DAB1: variants seen among roughly 807,000 people sequenced by gnomAD.
The protein encoded by DAB1 is disabled homolog 1.
Under a neutral mutation model 64.6 loss-of-function variants are expected in DAB1, and 15 were observed. The ratio of observed to expected loss-of-function variants is 0.23; its 90% CI spans 0.16 to 0.36. The LOEUF is 0.36. DAB1 is among the 10% of genes least tolerant of loss of function. The probability of loss-of-function intolerance (pLI) is 1.00; values close to 1 mark genes in which losing one functional copy is unlikely to be tolerated. For synonymous variants in DAB1, 235 were observed against 251.9 expected (o/e 0.93, Z 0.64); for missense variants, 596 against 706.7 (o/e 0.84, Z 1.78).
chr1:58,289,425 C>A (rs1230663827), intron 4 of DAB1, among the ~76,000 whole-genome samples: 2 of 152,104 alleles, frequency 1.3e-5, no homozygotes, highest in African/African-American at 4.8e-5. Flanking sequence ...GTTTAGATTC[C>A]AGTCATTTTC....
intron 2 of DAB1, among the ~76,000 whole-genome samples, chr1:57,171,006 G>C (rs1310795419): frequency 6.6e-6 from 1 of 152,130 alleles, no homozygotes; most frequent in Non-Finnish European, 1.5e-5. Flanking sequence ...AAGGCAAAGA[G>C]TTCGATACGG....
chr1:57,814,588 C>G (rs2101888643), intron 6 of DAB1, among the ~76,000 whole-genome samples: 1 of 152,306 alleles, frequency 6.6e-6, no homozygotes, highest in Middle Eastern at 3.4e-3. Flanking sequence ...CTGTTTCCTT[C>G]TTGGAAGACT....
In DAB1 at chr1:58,183,149, C is replaced by T. The variant is rs188167352; in HGVS notation, n.310-32561G>A. On this transcript the variant is annotated intron_variant and non_coding_transcript_variant, in intron 4 of 20. Transcript: ENST00000485760. ...TAGTGTAGTGATCATGTTGAGTGGTCAGAGGCAGTACTTAAACATCTTGAT... is the reference window on the plus strand; with the variant it reads ...TAGTGTAGTGATCATGTTGAGTGGTTAGAGGCAGTACTTAAACATCTTGAT... 2.6e-5 allele frequency among the ~76,000 whole-genome samples: 4 copies of T among 152,108 alleles called. No individual in the cohort carries two copies. The East Asian group carries it at 7.7e-4, about 29-fold the overall frequency.
At chr1:58,469,485 T>C (rs1645333716) in intron 3 of DAB1, among the ~76,000 whole-genome samples, 1 of 152,202 alleles carries the variant, frequency 6.6e-6, no homozygotes, top group Non-Finnish European at 1.5e-5. Flanking sequence ...TAGTAATTTT[T>C]CTCAAACTGA....
At chr1:57,660,877 G>C (rs560938866) in intron 6 of DAB1, among the ~76,000 whole-genome samples, 1 of 152,168 alleles carries the variant, frequency 6.6e-6, no homozygotes, top group Non-Finnish European at 1.5e-5. Context: ...CTGCATCACT[G>C]TTTAGCTTCC....
intron 3 of DAB1, among the ~76,000 whole-genome samples, chr1:57,137,051 T>C (rs1472074188): frequency 6.6e-6 from 1 of 152,170 alleles, no homozygotes; most frequent in Non-Finnish European, 1.5e-5. Context: ...TATAATTTTA[T>C]TTTTTATAAT....
At chr1:57,830,588 A>G (rs1040016822) in intron 1 of DAB1, among the ~76,000 whole-genome samples, 1 of 151,368 alleles carries the variant, frequency 6.6e-6, no homozygotes, top group Admixed American at 6.6e-5. Flanking sequence ...ACACATGAAA[A>G]ATATATATAT....
intron 3 of DAB1, among the ~76,000 whole-genome samples, chr1:58,358,696 G>C (rs1644133720): frequency 6.6e-6 from 1 of 152,112 alleles, no homozygotes; most frequent in African/African-American, 2.4e-5. Flanking sequence ...TCCCAACTGA[G>C]AACTGTTTAA....
rs1646182490 is a variant in DAB1 at position 57,645,503 on chromosome 1, T to A, written n.625+4089A>T. On this transcript the variant is annotated intron_variant and non_coding_transcript_variant, in intron 7 of 20. Coordinates refer to the DAB1 transcript ENST00000485760. Reference sequence around the variant, plus strand: ...GTCTCTTCAGCTTCTTCCTTCCTTGTTGTCAAAAAGATCAACATATCTGCC... The same window carrying A: ...GTCTCTTCAGCTTCTTCCTTCCTTGATGTCAAAAAGATCAACATATCTGCC... 3.3e-5 allele frequency among the ~76,000 whole-genome samples: 5 copies of A among 152,324 alleles called. No homozygotes were observed. In the South Asian group the frequency reaches 1.0e-3, roughly 32 times the overall value.
rs373135426 is a variant in DAB1, at chr1:57,250,301, T to C, written c.67+40663A>G. ...AGGATGCTGTACGCCAATCTGTCTA[T>C]GTCTGGTAGTATAATTATTTATGTC... On this transcript the variant is annotated intron_variant, in intron 2 of 14. Coordinates refer to ENST00000371236, the MANE Select transcript of DAB1 (RefSeq NM_001365792.1). Among the ~76,000 whole-genome samples, 95 of 152,320 alleles carry C rather than the reference T, an allele frequency of 6.2e-4. 1 individual carries two copies. In the South Asian group the frequency reaches 0.017, roughly 27 times the overall value.
chr1:57,642,410 T>C (rs1022754846), intron 7 of DAB1, among the ~76,000 whole-genome samples: 3 of 152,180 alleles, frequency 2.0e-5, no homozygotes, highest in Non-Finnish European at 1.5e-5. Context: ...CCAGGTGCCC[T>C]GGAGCACCTC....
intron 6 of DAB1, among the ~76,000 whole-genome samples, chr1:57,730,947 G>A (rs1647386334): frequency 6.6e-6 from 1 of 152,148 alleles, no homozygotes; most frequent in Non-Finnish European, 1.5e-5. Context: ...CATGGAATTA[G>A]CATTTGATCC....
intron 7 of DAB1, among the ~76,000 whole-genome samples, chr1:57,628,323 G>T (rs1168997519): frequency 2.0e-5 from 3 of 152,250 alleles, no homozygotes; most frequent in African/African-American, 7.2e-5. Flanking sequence ...TCGGGCTGAA[G>T]TCACAGTTTG....
intron 1 of DAB1, among the ~76,000 whole-genome samples, chr1:57,316,865 C>T (rs576396105): frequency 1.3e-5 from 2 of 152,224 alleles, no homozygotes; most frequent in African/African-American, 2.4e-5. Flanking sequence ...TAAAATGGCC[C>T]CAAGTGATCC....
chr1:57,661,742 T>C (rs1188777399), intron 6 of DAB1, among the ~76,000 whole-genome samples: 1 of 152,234 alleles, frequency 6.6e-6, no homozygotes, highest in Non-Finnish European at 1.5e-5. Flanking sequence ...TAATACAATA[T>C]AAATCCTATG....
At chr1:58,514,225 G>A (rs1215994981) in intron 2 of DAB1, among the ~76,000 whole-genome samples, 1 of 152,062 alleles carries the variant, frequency 6.6e-6, no homozygotes, top group Non-Finnish European at 1.5e-5. Flanking sequence ...TATGCATTAA[G>A]GAACATATTG....
chr1:58,210,968 T>C (rs1267184453), intron 4 of DAB1, among the ~76,000 whole-genome samples: 1 of 152,032 alleles, frequency 6.6e-6, no homozygotes, highest in Admixed American at 6.6e-5. Context: ...CAAGGCAAAG[T>C]TGGGGGAAGA....
intron 5 of DAB1, among the ~76,000 whole-genome samples, chr1:57,911,133 T>C (rs940574845): frequency 3.3e-5 from 5 of 152,114 alleles, no homozygotes; most frequent in Non-Finnish European, 7.4e-5. Context: ...AAAAAAAGGA[T>C]TTTATGAAGA....
At chr1:57,307,734 T>C (rs1674319705) in intron 1 of DAB1, among the ~76,000 whole-genome samples, 1 of 151,998 alleles carries the variant, frequency 6.6e-6, no homozygotes, top group Non-Finnish European at 1.5e-5. Flanking sequence ...TCGTATCTGT[T>C]GAATCTAGGC....
Sources: gnomAD v4.1 joint callset for allele counts (sites outside exome capture counted in the v4.1 genomes callset) on GRCh38, gnomAD v4.1.1 for gene constraint, MANE v1.5 for transcripts, NCBI Gene and HGNC (gene_info 2026-07-23, HGNC 2026-07-21) for gene names.